The following STK40 variants were observed in gnomAD, a reference collection of about 807,000 sequenced individuals.
The protein encoded by STK40 is serine/threonine kinase 40, also known as serine/threonine-protein kinase 40.
Under a neutral mutation model 47.9 loss-of-function variants are expected in STK40, and 13 were observed. The ratio of observed to expected loss-of-function variants is 0.27; its 90% CI spans 0.18 to 0.43. The LOEUF is 0.43. Among genes scored for constraint, STK40 ranks in the 20% least tolerant of loss-of-function variants. The probability of loss-of-function intolerance (pLI) is 1.00; values close to 1 mark genes in which losing one functional copy is unlikely to be tolerated. For missense variants in STK40, 460 were observed against 595.1 expected (o/e 0.77, Z 2.36); for synonymous variants, 225 against 243.2 (o/e 0.93, Z 0.69).
At position 36,352,630 on chromosome 1, in the gene STK40, C is replaced by G. The variant is rs1003668117; in HGVS notation, c.623+1734G>C. Among the ~76,000 whole-genome samples, 4 of 152,216 alleles carry G rather than the reference C, an allele frequency of 2.6e-5. No individual in the cohort carries two copies. In the East Asian group the frequency reaches 7.7e-4, roughly 29 times the overall value. Reference sequence around the variant, plus strand: ...CAGCTCTGGAATTTCCTGTTTCCCTCCCTTCCCCCTGCAGAGCATAGCAGG... The same window carrying G: ...CAGCTCTGGAATTTCCTGTTTCCCTGCCTTCCCCCTGCAGAGCATAGCAGG... On this transcript the variant is annotated intron_variant, in intron 6 of 10. Transcript: ENST00000373132.
At chr1:36,369,500 T>A (rs1042411959) in intron 1 of STK40, among the ~76,000 whole-genome samples, 5 of 152,070 alleles carry the variant, frequency 3.3e-5, no homozygotes, top group African/African-American at 4.8e-5. Flanking sequence ...GCACCCTAAA[T>A]CCAGCCACAC....
chr1:36,378,894 G>A lies in STK40; in HGVS notation c.-9+6829C>T, dbSNP rs561569650. Among the ~76,000 whole-genome samples the A allele has an allele frequency of 2.2e-4, 34 of 152,254 alleles. 1 individual carries two copies. The South Asian group carries it at 7.0e-3, about 32-fold the overall frequency. On this transcript the variant is annotated intron_variant, in intron 1 of 10. Coordinates refer to ENST00000373132, the MANE Select transcript of STK40 (RefSeq NM_001282547.2). ...CCATACTTATTGCAAAAAGTAGCAG[G>A]ACTCTTGCTCCCCAGGGTTGGCAGA... is the stretch of plus-strand genomic sequence containing the variant.
At chr1:36,374,071 T>C (rs987479226) in intron 1 of STK40, among the ~76,000 whole-genome samples, 2 of 152,234 alleles carry the variant, frequency 1.3e-5, no homozygotes, top group African/African-American at 2.4e-5. Context: ...AGGACTCCAA[T>C]GTGCTGAGCA....
At chr1:36,347,468 C>T (rs1240065349) in intron 7 of STK40, among the ~76,000 whole-genome samples, 1 of 152,168 alleles carries the variant, frequency 6.6e-6, no homozygotes, top group Non-Finnish European at 1.5e-5. Context: ...TTATTAGCTA[C>T]GACTTTGGAC....
intron 1 of STK40, among the ~76,000 whole-genome samples, chr1:36,372,245 A>T (rs1231669542): frequency 6.6e-6 from 1 of 151,846 alleles, no homozygotes; most frequent in East Asian, 1.9e-4. Flanking sequence ...GCATTTTGGG[A>T]GGCTGAGGTG....
Position 36,348,797 on chromosome 1 carries a change from G to A in STK40, c.642C>T (p.Ile214=), listed in dbSNP as rs1296054820. Residue 214 remains isoleucine (I), a synonymous_variant, in exon 7 of 11, where the codon ATC becomes ATT. Coordinates refer to ENST00000373132, the MANE Select transcript of STK40 (RefSeq NM_001282547.2). Reference sequence around the variant, plus strand: ...GATGCTTCCCGAGGCAGAAGTTGGTGATGGTTATCCGATGTGTCCTAGGAG... The same window carrying A: ...GATGCTTCCCGAGGCAGAAGTTGGTAATGGTTATCCGATGTGTCCTAGGAG... ...VLNKRTHRIT[I]TNFCLGKHLV... 6.2e-7 allele frequency: 1 copy of A among 1,606,274 alleles called. No individual in the cohort carries two copies. Among genetic ancestry groups the A allele is most frequent in the African/African-American group, 1.3e-5 (1 of 74,732 alleles).
chr1:36,370,583 C>A (rs1404154335), intron 1 of STK40, among the ~76,000 whole-genome samples: 3 of 152,200 alleles, frequency 2.0e-5, no homozygotes, highest in African/African-American at 7.2e-5. Flanking sequence ...TGCAGACCAC[C>A]CGTGCACACT....
At chr1:36,371,654 CAGCCTGCGTGACAGAGCA>C (rs1373728294) in intron 1 of STK40, among the ~76,000 whole-genome samples, 2 of 142,174 alleles carry the variant, frequency 1.4e-5, no homozygotes, top group African/African-American at 5.3e-5. Flanking sequence ...CACTGTACTC[CAGCCTGCGTGACAGAGCA>C]AGACCCTGTC....
Position 36,385,710 on chromosome 1 carries a change from C to G in STK40, c.-9+13G>C, listed in dbSNP as rs1042786665. The G allele has an allele frequency of 6.5e-6, 1 of 153,624 alleles. No individual in the cohort carries two copies. The highest frequency in any genetic ancestry group is 1.9e-4 in the South Asian group (1 of 5,168). 9.5% of individuals were successfully genotyped at this position (153,624 alleles called of 1,614,324 possible). ...CCCCACCCGGCTCCCCGCTCCTGGA[C>G]CCCTGCCCTCACCTTCGCCGGGTGG... On this transcript the variant is annotated intron_variant, in intron 1 of 10. Transcript: ENST00000373132.
chr1:36,359,857 C>T (rs577353119), intron 2 of STK40, among the ~76,000 whole-genome samples: 4 of 152,214 alleles, frequency 2.6e-5, no homozygotes, highest in Non-Finnish European at 4.4e-5. Context: ...GCTCCTAGTT[C>T]CCAACATGGT....
At chr1:36,357,180 T>C (rs1316508422) in intron 4 of STK40, among the ~76,000 whole-genome samples, 2 of 152,242 alleles carry the variant, frequency 1.3e-5, no homozygotes, top group Non-Finnish European at 2.9e-5. Flanking sequence ...AGGTAGGTAC[T>C]GTTATCACTA....
chr1:36,375,678 C>A (rs1470777521), intron 1 of STK40, among the ~76,000 whole-genome samples: 3 of 152,108 alleles, frequency 2.0e-5, no homozygotes, highest in African/African-American at 7.2e-5. Context: ...TGGACTGGGG[C>A]CAGCAAACTG....
At chr1:36,371,528 C>T (rs941754899) in intron 1 of STK40, among the ~76,000 whole-genome samples, 1 of 151,404 alleles carries the variant, frequency 6.6e-6, no homozygotes, top group African/African-American at 2.4e-5. Context: ...CACTGCACTC[C>T]AGCCTGGGTG....
Position 36,355,345 on chromosome 1 carries a change from A to C in STK40, c.431T>G (p.Leu144Arg), listed in dbSNP as rs771618522. ...CTTATCGCTGAAGTCATGAGCACAGAGGCAGTCCAGGACGAGGCAGATGCG... is the reference window on the plus strand; with the variant it reads ...CTTATCGCTGAAGTCATGAGCACAGCGGCAGTCCAGGACGAGGCAGATGCG... ...KKRICLVLDC[L>R]CAHDFSDKTA... Residue 144 changes from leucine (L) to arginine (R), a missense_variant, in exon 5 of 11, where the codon CTC (leucine) becomes CGC (arginine). Leu to Arg is a moderately radical substitution (Grantham distance 102). This residue lies in a region of STK40 where 277 missense variants were observed against 358.7 expected (regional missense o/e 0.77). Transcript: ENST00000373132. 1.9e-6 allele frequency: 3 copies of C among 1,614,172 alleles called. No homozygotes were observed. The African/African-American group carries it at 4.0e-5, about 22-fold the overall frequency.
chr1:36,381,389 A>G (rs1238698919), intron 1 of STK40, among the ~76,000 whole-genome samples: 1 of 152,152 alleles, frequency 6.6e-6, no homozygotes, highest in East Asian at 1.9e-4. Context: ...GTGCCACACA[A>G]ATTACCACAT....
In STK40 at chr1:36,371,336, T is replaced by C. The variant is rs1178777810; in HGVS notation, c.-8-9996A>G. On this transcript the variant is annotated intron_variant, in intron 1 of 10. Coordinates refer to ENST00000373132, the MANE Select transcript of STK40 (RefSeq NM_001282547.2). ...TTGGGAGGCTGAGGCGGGTGGATCA[T>C]GAGGTCAGGAGATCGAGACCATCCT... Among the ~76,000 whole-genome samples the C allele has an allele frequency of 2.0e-5, 3 of 148,670 alleles. No homozygotes were observed. In the East Asian group the frequency reaches 6.2e-4, roughly 30 times the overall value.
Position 36,355,272 on chromosome 1 carries a change from C to A in STK40, c.504G>T (p.Arg168Ser). The change falls in exon 5 of 11, where the codon AGG becomes AGT. Residue 168 changes from arginine (R) to serine (S), a missense_variant. By Grantham distance (110) the Arg-to-Ser change is moderately radical. Transcript: ENST00000373132. Reference sequence around the variant, plus strand: ...TTACCACAGTCTCCCTCTCGCTGAGCCTCTTCTCCTTGATGACGTAGTGCT... The same window carrying A: ...TTACCACAGTCTCCCTCTCGCTGAGACTCTTCTCCTTGATGACGTAGTGCT... The part of the protein sequence containing the change: ...NLQHYVIKEK[R>S]LSERETVVIF... The A allele has an allele frequency of 6.2e-7, 1 of 1,614,122 alleles. No homozygotes were observed. The highest frequency in any genetic ancestry group is 8.5e-7 in the Non-Finnish European group (1 of 1,180,036).
chr1:36,368,242 T>C (rs1183063305), intron 1 of STK40, among the ~76,000 whole-genome samples: 1 of 152,062 alleles, frequency 6.6e-6, no homozygotes, highest in Admixed American at 6.6e-5. Context: ...CCTCCTAACA[T>C]GATGCCCTTA....
At chr1:36,367,572 G>C (rs905360210) in intron 1 of STK40, among the ~76,000 whole-genome samples, 1 of 152,222 alleles carries the variant, frequency 6.6e-6, no homozygotes, top group Non-Finnish European at 1.5e-5. Context: ...CCGGAGTCCA[G>C]TGGTATAGTG....
Sources: gnomAD v4.1 joint callset for allele counts (sites outside exome capture counted in the v4.1 genomes callset) on GRCh38, gnomAD v4.1.1 for gene constraint, gnomAD v4.1.1 regional missense constraint, MANE v1.5 for transcripts, NCBI Gene and HGNC (gene_info 2026-07-23, HGNC 2026-07-21) for gene names.